SFMBT2: variants seen among roughly 807,000 people sequenced by gnomAD.
The protein encoded by SFMBT2 is Scm like with four mbt domains 2.
Under a neutral mutation model 110.1 loss-of-function variants are expected in SFMBT2, and 38 were observed. That is an observed-to-expected ratio of 0.35 (90% CI 0.27 to 0.45). The LOEUF is 0.45. Ranked by LOEUF, SFMBT2 falls within the 20% of genes least tolerant of loss-of-function variation. The pLI, the probability that SFMBT2 is intolerant of heterozygous loss-of-function variation, is 1.00. For synonymous variants in SFMBT2, 425 were observed against 425.4 expected, an observed-to-expected ratio of 1.00 and a Z score of 0.01; for missense variants, 1,011 against 1,094.9, an observed-to-expected ratio of 0.92 and a Z score of 1.08.
intron 9 of SFMBT2, among the ~76,000 whole-genome samples, chr10:7,228,707 CTTT>C (rs1239753364): frequency 7.0e-4 from 94 of 134,256 alleles, no homozygotes; most frequent in African/African-American, 2.3e-3. Flanking sequence ...TTCTTTCTTT[CTTT>C]CTTTCTTTCT....
intron 4 of SFMBT2, among the ~76,000 whole-genome samples, chr10:7,300,125 A>C (rs758732794): frequency 7.9e-5 from 12 of 152,150 alleles, no homozygotes; most frequent in African/African-American, 2.9e-4. Context: ...TTGAGAACAC[A>C]TGGACACAGA....
intron 4 of SFMBT2, among the ~76,000 whole-genome samples, chr10:7,343,191 A>T (rs1052731385): frequency 2.0e-5 from 3 of 149,850 alleles, no homozygotes; most frequent in Non-Finnish European, 4.4e-5. Context: ...AGGGACATAC[A>T]TCCATGTTGC....
At chr10:7,306,152 T>C (rs1350120074) in intron 4 of SFMBT2, among the ~76,000 whole-genome samples, 2 of 152,190 alleles carry the variant, frequency 1.3e-5, no homozygotes, top group African/African-American at 2.4e-5. Context: ...CCATTAACCA[T>C]GCCCCAGTCA....
chr10:7,159,085 T>G lies in SFMBT2; in HGVS notation c.*4685A>C, dbSNP rs928698821. On this transcript the variant is annotated 3_prime_UTR_variant, in exon 21 of 21. Transcript: ENST00000397167. ...ACGATTGTCCTAGAATTTTCCTTTT[T>G]TCGTCAGCACATCGCTTCAGCCACA... The G allele has an allele frequency of 6.6e-6, 1 of 152,224 alleles. No individual in the cohort carries two copies. Among genetic ancestry groups the G allele is most frequent in the South Asian group, 2.1e-4 (1 of 4,828 alleles). The allele number at this position is 152,224 out of a possible 1,614,324, so 9.4% of individuals were successfully genotyped here.
chr10:7,344,464 C>T (rs1393151573), intron 4 of SFMBT2, among the ~76,000 whole-genome samples: 3 of 152,192 alleles, frequency 2.0e-5, no homozygotes, highest in Admixed American at 6.5e-5. Flanking sequence ...GTGCCTTTCT[C>T]CTCCTTTGCC....
At chr10:7,188,246 A>G (rs1838482640) in intron 16 of SFMBT2, among the ~76,000 whole-genome samples, 1 of 152,248 alleles carries the variant, frequency 6.6e-6, no homozygotes, top group East Asian at 1.9e-4. Context: ...AGCATAGTCT[A>G]TATAATATCA....
intron 12 of SFMBT2, chr10:7,202,753 T>A (rs1838998817): frequency 1.0e-6 from 1 of 985,426 alleles, no homozygotes; most frequent in African/African-American, 1.7e-5. Context: ...ATCTTATCAT[T>A]ACACTAGCTA....
At chr10:7,396,492 C>T (rs960100067) in intron 1 of SFMBT2, among the ~76,000 whole-genome samples, 6 of 152,138 alleles carry the variant, frequency 3.9e-5, no homozygotes, top group African/African-American at 1.4e-4. Context: ...AGTTTCTTCC[C>T]CAATATTAGG....
intron 1 of SFMBT2, among the ~76,000 whole-genome samples, chr10:7,389,720 C>A (rs1845716889): frequency 6.6e-6 from 1 of 152,198 alleles, no homozygotes; most frequent in Non-Finnish European, 1.5e-5. Flanking sequence ...CCTCTCTACT[C>A]CTTGAATTTC....
At chr10:7,340,685 A>C (rs1843870773) in intron 4 of SFMBT2, among the ~76,000 whole-genome samples, 1 of 151,566 alleles carries the variant, frequency 6.6e-6, no homozygotes, top group Non-Finnish European at 1.5e-5. Context: ...AATACTGCAA[A>C]ACAATAGCTT....
At chr10:7,175,776 C>T (rs1838035025) in intron 17 of SFMBT2, among the ~76,000 whole-genome samples, 1 of 152,102 alleles carries the variant, frequency 6.6e-6, no homozygotes, top group South Asian at 2.1e-4. Flanking sequence ...GAAAATTCAT[C>T]CTGTTTTAAA....
At chr10:7,268,054 C>G (rs550258996) in intron 7 of SFMBT2, among the ~76,000 whole-genome samples, 5 of 152,122 alleles carry the variant, frequency 3.3e-5, no homozygotes. Flanking sequence ...TTTGCAAACA[C>G]GTAGGATCTC....
chr10:7,271,545 G>GA, intron 7 of SFMBT2, among the ~76,000 whole-genome samples: 1 of 152,158 alleles, frequency 6.6e-6, no homozygotes, highest in Admixed American at 6.5e-5. Context: ...GACACCAACA[G>GA]AGGCTCAAGT....
At chr10:7,237,740 T>C (rs1588371587) in intron 9 of SFMBT2, among the ~76,000 whole-genome samples, 2 of 152,060 alleles carry the variant, frequency 1.3e-5, no homozygotes, top group African/African-American at 4.8e-5. Context: ...GGGAGATGAA[T>C]GAAAAACAAG....
At chr10:7,393,012 TATATATATATATATATATATATAA>T (rs1213419717) in intron 1 of SFMBT2, among the ~76,000 whole-genome samples, 5,153 of 87,774 alleles carry the variant, frequency 0.059, 285 homozygotes, top group African/African-American at 0.21. Flanking sequence ...TATATATATA[TATATATATATATATATATATATAA>T]TTTTTTTTTT....
chr10:7,307,982 T>G (rs11592599), intron 4 of SFMBT2, among the ~76,000 whole-genome samples: 97,078 of 152,054 alleles, frequency 0.64, 31,120 homozygotes, highest in East Asian at 0.68. Context: ...GACAGCTTAT[T>G]AAAACTAAGG....
intron 2 of SFMBT2, among the ~76,000 whole-genome samples, chr10:7,373,834 C>A (rs992026707): frequency 1.3e-5 from 2 of 152,122 alleles, no homozygotes; most frequent in Non-Finnish European, 2.9e-5. Flanking sequence ...AAGAAGAGCA[C>A]CTGGGAAGAA....
At chr10:7,248,352 T>C (rs1203448425) in intron 8 of SFMBT2, among the ~76,000 whole-genome samples, 196 bp downstream of exon 8, 1 of 152,234 alleles carries the variant, frequency 6.6e-6, no homozygotes, top group Non-Finnish European at 1.5e-5. Context: ...GGCATCTGAT[T>C]AGAGTCACTC....
chr10:7,228,314 G>C lies in SFMBT2; in HGVS notation c.1121-377C>G, dbSNP rs191430074. 1.9e-5 allele frequency: 13 copies of C among 676,790 alleles called. No individual in the cohort carries two copies. In the African/African-American group the frequency reaches 2.5e-4, roughly 13 times the overall value. The allele number at this position is 676,790 out of a possible 1,614,324, so 41.9% of individuals were successfully genotyped here. A position where few individuals can be genotyped will look rare whatever the true frequency, so the allele number is the denominator to read the frequency against. ...CTCCCTTCATAGGAAGCCTGAGTTC[G>C]TGGGAGCTTACTTTTCGGTGTCTTT... On this transcript the variant is annotated intron_variant, in intron 9 of 20. Coordinates refer to ENST00000397167, the MANE Select transcript of SFMBT2 (RefSeq NM_001387889.1).
Sources: gnomAD v4.1 joint callset for allele counts (sites outside exome capture counted in the v4.1 genomes callset) on GRCh38, gnomAD v4.1.1 for gene constraint, MANE v1.5 for transcripts, NCBI Gene and HGNC (gene_info 2026-07-23, HGNC 2026-07-21) for gene names.